CNBP: variants seen among roughly 807,000 people sequenced by gnomAD.
The protein encoded by CNBP is CCHC-type zinc finger nucleic acid binding protein, also known as cellular nucleic acid-binding protein.
CNBP carries 6 observed loss-of-function variants against 21.2 expected under a neutral mutation model. The observed-to-expected ratio is 0.28, with a 90% CI of 0.16 to 0.56. The LOEUF (loss-of-function observed/expected upper bound fraction) is 0.56, where lower values mean the gene tolerates loss of function less well. Among genes scored for constraint, CNBP ranks in the 20% least tolerant of loss-of-function variants. CNBP has a pLI of 0.93. For missense variants in CNBP, 112 were observed against 233.1 expected (o/e 0.48, Z 3.38); for synonymous variants, 61 against 74.9 (o/e 0.81, Z 0.96).
At chr3:129,183,281 GGCACATGGCCC>G (rs1229985341) in intron 1 of CNBP, among the ~76,000 whole-genome samples, 1 of 152,044 alleles carries the variant, frequency 6.6e-6, no homozygotes, top group Non-Finnish European at 1.5e-5. Flanking sequence ...CAAAACCCTT[GGCACATGGCCC>G]GCCAGGCGCA....
At position 129,171,064 on chromosome 3, in the gene CNBP, A is replaced by T. The variant is rs1352854666; in HGVS notation, c.416+15T>A. 6.2e-7 allele frequency: 1 copy of T among 1,605,010 alleles called. No homozygotes were observed. The highest frequency in any genetic ancestry group is 1.3e-5 in the African/African-American group (1 of 74,802). On this transcript the variant is annotated intron_variant, in intron 4 of 4. Coordinates refer to ENST00000422453, the MANE Select transcript of CNBP (RefSeq NM_003418.5). ...CTGCAATGAGTTTTCTTCTAACAAC[A>T]TTCTGACACCTTACCTATAGCACTT...
chr3:129,168,605 CAAAAAAAAAAAAA>C lies in CNBP; in HGVS notation c.*1835_*1847del, dbSNP rs57560229. On this transcript the variant is annotated 3_prime_UTR_variant, in exon 5 of 5. Coordinates refer to ENST00000422453, the MANE Select transcript of CNBP (RefSeq NM_003418.5). ...CCTGGGCAACAGAGCGAGACTGTCTCAAAAAAAAAAAAAAAAAAAAAAAAGGCCCAGGAAAAAC... is the reference window on the plus strand; with the variant it reads ...CCTGGGCAACAGAGCGAGACTGTCTCAAAAAAAAAAAGGCCCAGGAAAAAC... 2.5e-5 allele frequency among the ~76,000 whole-genome samples: 1 copy of C among 39,468 alleles called. No individual in the cohort carries two copies. The highest frequency in any genetic ancestry group is 1.0e-4 in the African/African-American group (1 of 9,572). 25.9% of individuals were successfully genotyped at this position (39,468 alleles called of 152,430 possible).
intron 3 of CNBP, 68 bp downstream of exon 3, chr3:129,171,378 T>A (rs1461497229): frequency 1.3e-6 from 2 of 1,589,516 alleles, no homozygotes; most frequent in Non-Finnish European, 1.7e-6. Context: ...GGAAATGCTA[T>A]ACACAGTTGC....
At chr3:129,172,588 GCAGGCAGGCAGGCAGGCAGACAGGCAGA>G (rs1937604629) in intron 1 of CNBP, among the ~76,000 whole-genome samples, 1 of 28,012 alleles carries the variant, frequency 3.6e-5, no homozygotes, top group Non-Finnish European at 1.1e-4. Flanking sequence ...AGGCAGGCAG[GCAGGCAGGCAGGCAGGCAGACAGGCAGA>G]CAGGCAGCCA....
intron 1 of CNBP, among the ~76,000 whole-genome samples, chr3:129,177,946 G>A (rs183567253): frequency 6.6e-6 from 1 of 152,078 alleles, no homozygotes; most frequent in South Asian, 2.1e-4. Flanking sequence ...CATCACCTGA[G>A]GTCAGGAGTT....
At position 129,169,312 on chromosome 3, in the gene CNBP, CA is replaced by C. The variant is rs1390977889; in HGVS notation, c.*1140del. Among the ~76,000 whole-genome samples the C allele has an allele frequency of 4.6e-5, 7 of 152,024 alleles. No homozygotes were observed. In the East Asian group the frequency reaches 9.6e-4, roughly 21 times the overall value. On this transcript the variant is annotated 3_prime_UTR_variant, in exon 5 of 5. Coordinates refer to ENST00000422453, the MANE Select transcript of CNBP (RefSeq NM_003418.5). The stretch of plus-strand genomic sequence containing the variant: ...CAAAACAAAACAAAACCACCACCAC[CA>C]AAAAACCTGTTCAGACTGAACACAG...
intron 1 of CNBP, among the ~76,000 whole-genome samples, chr3:129,173,829 T>C (rs931260169): frequency 1.5e-4 from 23 of 152,166 alleles, no homozygotes; most frequent in Non-Finnish European, 2.9e-4. Context: ...TAGAAAAACA[T>C]ATTTCCAACT....
intron 1 of CNBP, among the ~76,000 whole-genome samples, chr3:129,174,360 A>AAC (rs1553787740): frequency 9.5e-5 from 14 of 147,860 alleles, no homozygotes; most frequent in Admixed American, 2.0e-4. Context: ...AAAAAAAAAA[A>AAC]AAAAAAAAAA....
At chr3:129,180,261 AAACT>A (rs1938207843) in intron 1 of CNBP, among the ~76,000 whole-genome samples, 1 of 152,204 alleles carries the variant, frequency 6.6e-6, no homozygotes. Context: ...AATCAAAGTA[AAACT>A]AATACTGATA....
At chr3:129,183,619 G>A (rs983217871) in intron 1 of CNBP, among the ~76,000 whole-genome samples, 157 bp downstream of exon 1, 1 of 152,266 alleles carries the variant, frequency 6.6e-6, no homozygotes, top group African/African-American at 2.4e-5. Flanking sequence ...CGGGTCCGAG[G>A]CGGCGGCAGC....
rs573636612 is a variant in CNBP, at chr3:129,167,929, T to C, written c.*2524A>G. On this transcript the variant is annotated 3_prime_UTR_variant, in exon 5 of 5. Transcript: ENST00000422453. ...TTATAAGCTTATATTCATAAAGAAA[T>C]GGGTATGTTATTACCTCTTTTTCTT... Among the ~76,000 whole-genome samples, 42 of 152,322 alleles carry C rather than the reference T, an allele frequency of 2.8e-4. No individual in the cohort carries two copies. The South Asian group carries it at 8.3e-3, about 30-fold the overall frequency.
Position 129,167,945 on chromosome 3 carries a change from T to A in CNBP, c.*2508A>T, listed in dbSNP as rs1186463173. 6.6e-6 allele frequency among the ~76,000 whole-genome samples: 1 copy of A among 152,238 alleles called. No individual in the cohort carries two copies. Among genetic ancestry groups the A allele is most frequent in the Non-Finnish European group, 1.5e-5 (1 of 68,040 alleles). The stretch of plus-strand genomic sequence containing the variant: ...ATAAAGAAATGGGTATGTTATTACC[T>A]CTTTTTCTTGCTTGCTCAGGACTAT... On this transcript the variant is annotated 3_prime_UTR_variant, in exon 5 of 5. Coordinates refer to ENST00000422453, the MANE Select transcript of CNBP (RefSeq NM_003418.5).
At chr3:129,181,854 C>G (rs189779661) in intron 1 of CNBP, among the ~76,000 whole-genome samples, 2 of 152,028 alleles carry the variant, frequency 1.3e-5, no homozygotes, top group African/African-American at 4.8e-5. Context: ...GTCTTTAATT[C>G]TGCCCTTGGG....
chr3:129,171,596 T>C, intron 2 of CNBP, 38 bp downstream of exon 2: 1 of 1,614,066 alleles, frequency 6.2e-7, no homozygotes, highest in Non-Finnish European at 8.5e-7. Flanking sequence ...TACTAACAAA[T>C]ACTGAAGTAC....
chr3:129,183,477 C>A (rs920381982), intron 1 of CNBP, among the ~76,000 whole-genome samples: 1 of 152,246 alleles, frequency 6.6e-6, no homozygotes, highest in East Asian at 1.9e-4. Flanking sequence ...GGCGCACGGG[C>A]GGGCCTCCTC....
rs190011929 is a variant in CNBP at position 129,168,552 on chromosome 3, G to A, written c.*1901C>T. Among the ~76,000 whole-genome samples, 6 of 135,346 alleles carry A rather than the reference G, an allele frequency of 4.4e-5. No individual in the cohort carries two copies. In the East Asian group the frequency reaches 1.4e-3, roughly 32 times the overall value. 88.8% of individuals were successfully genotyped at this position (135,346 alleles called of 152,430 possible). Reference sequence around the variant, plus strand: ...GGGGGTGGGGGGTGGAGGTTGCAGTGAGCTGAGATTGCACCATTGCACTCT... The same window carrying A: ...GGGGGTGGGGGGTGGAGGTTGCAGTAAGCTGAGATTGCACCATTGCACTCT... On this transcript the variant is annotated 3_prime_UTR_variant, in exon 5 of 5. Coordinates refer to ENST00000422453, the MANE Select transcript of CNBP (RefSeq NM_003418.5).
At position 129,169,915 on chromosome 3, in the gene CNBP, T is replaced by A. The variant is rs1447358124; in HGVS notation, c.*538A>T. The A allele has an allele frequency of 8.6e-6, 2 of 231,402 alleles. No individual in the cohort carries two copies. The highest frequency in any genetic ancestry group is 1.7e-5 in the Non-Finnish European group (2 of 116,806). The allele number at this position is 231,402 out of a possible 1,614,324, so 14.3% of individuals were successfully genotyped here. A position where few individuals can be genotyped will look rare whatever the true frequency, so the allele number is the denominator to read the frequency against. ...GAAGTTGTTCCTGTTTAGGCTTTTATTCCGATTTCTCTCGAACAGCCATTA... is the reference window on the plus strand; with the variant it reads ...GAAGTTGTTCCTGTTTAGGCTTTTAATCCGATTTCTCTCGAACAGCCATTA... On this transcript the variant is annotated 3_prime_UTR_variant, in exon 5 of 5. Transcript: ENST00000422453.
rs10587328 is a variant in CNBP at position 129,181,239 on chromosome 3, C to CAAAAAAAAA, written c.-15+2528_-15+2536dup. Among the ~76,000 whole-genome samples, 77 of 53,170 alleles carry CAAAAAAAAA rather than the reference C, an allele frequency of 1.4e-3. 2 individuals are homozygous for CAAAAAAAAA. Among genetic ancestry groups the CAAAAAAAAA allele is most frequent in the African/African-American group, 5.4e-3 (64 of 11,896 alleles). 34.9% of individuals were successfully genotyped at this position (53,170 alleles called of 152,430 possible). ...TGGCCGACAGAGAAAGACTCTGTCT[C>CAAAAAAAAA]AAAAAAAAAAAAAAAAAAAAAAAAA... On this transcript the variant is annotated intron_variant, in intron 1 of 4. Transcript: ENST00000422453.
At chr3:129,175,905 C>T (rs918620449) in intron 1 of CNBP, among the ~76,000 whole-genome samples, 4 of 152,120 alleles carry the variant, frequency 2.6e-5, no homozygotes, top group Non-Finnish European at 4.4e-5. Flanking sequence ...ATGCAATCTG[C>T]CCTCTCCTCC....
Sources: allele counts gnomAD v4.1 joint callset (sites outside exome capture counted in the v4.1 genomes callset), GRCh38; gene constraint gnomAD v4.1.1; transcripts MANE v1.5; gene names NCBI Gene and HGNC (gene_info 2026-07-23, HGNC 2026-07-21).